BRSK2: variants seen among roughly 807,000 people sequenced by gnomAD.
BRSK2 encodes BR serine/threonine kinase 2.
A neutral mutation model predicts 83.3 loss-of-function variants in BRSK2; 19 were observed. That is an observed-to-expected ratio of 0.23 (90% CI 0.16 to 0.33). BRSK2 has a LOEUF of 0.33. Ranked by LOEUF, BRSK2 falls within the 10% of genes least tolerant of loss-of-function variation. The pLI, the probability that BRSK2 is intolerant of heterozygous loss-of-function variation, is 1.00. For missense variants in BRSK2, 798 were observed against 1,042.3 expected, an observed-to-expected ratio of 0.77 and a Z score of 3.23; for synonymous variants, 519 against 435.4, an observed-to-expected ratio of 1.19 and a Z score of -2.39.
At chr11:1,446,238 G>T (rs1234035285) in intron 12 of BRSK2, among the ~76,000 whole-genome samples, 1 of 137,100 alleles carries the variant, frequency 7.3e-6, no homozygotes, top group Non-Finnish European at 1.5e-5. Context: ...GGCTGTACTG[G>T]ACTGCGCGGC....
At chr11:1,445,083 G>A in intron 9 of BRSK2, 81 bp downstream of exon 9, 8 of 1,563,038 alleles carry the variant, frequency 5.1e-6, no homozygotes, top group South Asian at 1.1e-5. Flanking sequence ...GGCGGGGGGA[G>A]GGCGCCGGCC....
chr11:1,450,667 G>C lies in BRSK2; in HGVS notation c.1368G>C (p.Pro456=). 1 of 1,609,244 alleles carries C rather than the reference G, an allele frequency of 6.2e-7. No individual in the cohort carries two copies. The highest frequency in any genetic ancestry group is 1.1e-5 in the South Asian group (1 of 90,682). Reference sequence around the variant, plus strand: ...CTGTCCACACGCCAAAGGAGAGCCCGGCTGGCACGCCCAACCCCACGCCCC... The same window carrying C: ...CTGTCCACACGCCAAAGGAGAGCCCCGCTGGCACGCCCAACCCCACGCCCC... ...GTPVHTPKES[P]AGTPNPTPPS... The change falls in exon 14 of 20, where the codon CCG becomes CCC. Residue 456 remains proline, a synonymous_variant. Transcript: ENST00000528841.
chr11:1,457,822 C>T (rs11606628), intron 18 of BRSK2, among the ~76,000 whole-genome samples: 29,993 of 144,144 alleles, frequency 0.21, 3,932 homozygotes, highest in Non-Finnish European at 0.3. Context: ...TGTGCTTCAC[C>T]TTGCTGCGGG....
intron 18 of BRSK2, among the ~76,000 whole-genome samples, chr11:1,457,586 C>T (rs1180887982): frequency 1.3e-5 from 2 of 152,182 alleles, no homozygotes; most frequent in Non-Finnish European, 2.9e-5. Flanking sequence ...GTGGGTGTGC[C>T]TCTGAACGCT....
At position 1,445,425 on chromosome 11, in the gene BRSK2, G is replaced by A. The variant is rs753586550; in HGVS notation, c.944G>A (p.Arg315His). Reference sequence around the variant, plus strand: ...CACTCACTGGGCTGCTTCCGAGACCGCAACAAGCTGCTGCAGGACCTGCTG... The same window carrying A: ...CACTCACTGGGCTGCTTCCGAGACCACAACAAGCTGCTGCAGGACCTGCTG... ...SMHSLGCFRDRNKLLQDLLSE... is the reference protein window; with the variant it reads ...SMHSLGCFRDHNKLLQDLLSE... The change falls in exon 10 of 20, where the codon CGC (arginine) becomes CAC (histidine). Residue 315 changes from arginine (R) to histidine (H), a missense_variant. By Grantham distance (29) the Arg-to-His change is conservative (BLOSUM62 0). Around this residue, in one of 6 missense-constraint regions of BRSK2, gnomAD observed 145 missense variants for 225.4 expected, o/e 0.64. Transcript: ENST00000528841. 7 of 1,611,768 alleles carry A rather than the reference G, an allele frequency of 4.3e-6. No homozygotes were observed. The highest frequency in any genetic ancestry group is 2.2e-5 in the South Asian group (2 of 90,962).
At chr11:1,456,295 G>A in intron 16 of BRSK2, 53 bp from the exon 17 acceptor site, 1 of 1,489,080 alleles carries the variant, frequency 6.7e-7, no homozygotes. Flanking sequence ...TCCCCAGAGG[G>A]CCAGGGTGGG....
chr11:1,455,700 C>T (rs1846432544), intron 16 of BRSK2, among the ~76,000 whole-genome samples: 1 of 152,078 alleles, frequency 6.6e-6, no homozygotes, highest in East Asian at 1.9e-4. Flanking sequence ...TCCCTCACCA[C>T]ATCCCTTCAT....
rs377674937 is a variant in BRSK2, at chr11:1,437,210, G to C, written c.186+1076G>C. ...GACTAAAGGAGGGCCTGGGGATGCG[G>C]GAAAGGGGAGGTGTCCCTGTCACCT... On this transcript the variant is annotated intron_variant, in intron 2 of 19. Transcript: ENST00000528841. Among the ~76,000 whole-genome samples, 12 of 152,268 alleles carry C rather than the reference G, an allele frequency of 7.9e-5. No homozygotes were observed. The East Asian group carries it at 1.5e-3, about 20-fold the overall frequency.
chr11:1,433,441 T>C lies in BRSK2; in HGVS notation c.92-2599T>C, dbSNP rs1042339513. ...ATTTCCTCCCTCCTTTGAGAGCCTC[T>C]GTCTTGGCCTCCGGCTGCATCCTCC... is the stretch of plus-strand genomic sequence containing the variant. On this transcript the variant is annotated intron_variant, in intron 1 of 19. Coordinates refer to ENST00000528841, the MANE Select transcript of BRSK2 (RefSeq NM_001256627.2). Among the ~76,000 whole-genome samples, 11 of 152,366 alleles carry C rather than the reference T, an allele frequency of 7.2e-5. No homozygotes were observed. In the East Asian group the frequency reaches 2.1e-3, roughly 29 times the overall value.
chr11:1,454,541 T>G lies in BRSK2; in HGVS notation c.1601T>G (p.Ile534Ser). Residue 534 changes from isoleucine (I) to serine (S), a missense_variant, in exon 16 of 20, where the codon ATC becomes AGC. Ile to Ser is a moderately radical substitution (Grantham distance 142). This residue lies in a region of BRSK2 where 455 missense variants were observed against 455.2 expected (regional missense o/e 1.00). Coordinates refer to ENST00000528841, the MANE Select transcript of BRSK2 (RefSeq NM_001256627.2). The surrounding 1 kb of genome is among the most constrained non-coding windows in gnomAD (Gnocchi z 5.2). Reference sequence around the variant, plus strand: ...ATCAGCCTGGAGAAGGAGGAGCAGATCTTCGTGGTCATCAAAGACAAACCT... The same window carrying G: ...ATCAGCCTGGAGAAGGAGGAGCAGAGCTTCGTGGTCATCAAAGACAAACCT... ...NFISLEKEEQ[I>S]FVVIKDKPLS... 1 of 1,613,206 alleles carries G rather than the reference T, an allele frequency of 6.2e-7. No homozygotes were observed. The highest frequency in any genetic ancestry group is 8.5e-7 in the Non-Finnish European group (1 of 1,179,906).
chr11:1,429,313 G>T (rs1180493394), intron 1 of BRSK2, among the ~76,000 whole-genome samples: 2 of 110,622 alleles, frequency 1.8e-5, no homozygotes, highest in African/African-American at 9.9e-5. Flanking sequence ...CTGGGTGTGT[G>T]TGCGTGTGCG....
At chr11:1,419,691 C>T (rs533461337) in intron 1 of BRSK2, among the ~76,000 whole-genome samples, 1 of 152,326 alleles carries the variant, frequency 6.6e-6, no homozygotes, top group East Asian at 1.9e-4. Context: ...CGGGGCCTCA[C>T]TTGAGGTCTG....
intron 1 of BRSK2, among the ~76,000 whole-genome samples, chr11:1,406,068 C>T (rs1456289418): frequency 6.6e-6 from 1 of 152,164 alleles, no homozygotes; most frequent in Non-Finnish European, 1.5e-5. Flanking sequence ...GTTGCCCGCT[C>T]CCCTGCCGAG....
At chr11:1,449,950 C>A in intron 13 of BRSK2, 114 bp downstream of exon 13, 1 of 692,214 alleles carries the variant, frequency 1.4e-6, no homozygotes, top group Non-Finnish European at 2.5e-6. Context: ...GCCCCAGGCG[C>A]CCCCCATGCC....
rs761843404 is a variant in BRSK2 at position 1,450,763 on chromosome 11, C to T, written c.1464C>T (p.Gly488=). Reference sequence around the variant, plus strand: ...ACTCCATCAAGAACAGCTTTCTGGGCTCACCCCGCTTCCACCGCCGGAAAC... The same window carrying T: ...ACTCCATCAAGAACAGCTTTCTGGGTTCACCCCGCTTCCACCGCCGGAAAC... ...RLNSIKNSFL[G]SPRFHRRKLQ... is the part of the protein sequence containing the mutation. Residue 488 remains glycine (G), a synonymous_variant, in exon 14 of 20, where the codon GGC becomes GGT. Coordinates refer to ENST00000528841, the MANE Select transcript of BRSK2 (RefSeq NM_001256627.2). 6.3e-7 allele frequency: 1 copy of T among 1,596,116 alleles called. No homozygotes were observed. The highest frequency in any genetic ancestry group is 1.1e-5 in the South Asian group (1 of 88,932).
At position 1,450,769 on chromosome 11, in the gene BRSK2, C is replaced by T; in HGVS notation, c.1470C>T (p.Pro490=). The T allele has an allele frequency of 6.3e-7, 1 of 1,595,414 alleles. No individual in the cohort carries two copies. Among genetic ancestry groups the T allele is most frequent in the South Asian group, 1.1e-5 (1 of 88,942 alleles). The change falls in exon 14 of 20, where the codon CCC becomes CCT. Residue 490 remains proline (P), a synonymous_variant. Transcript: ENST00000528841. Reference sequence around the variant, plus strand: ...TCAAGAACAGCTTTCTGGGCTCACCCCGCTTCCACCGCCGGAAACTGCAAG... The same window carrying T: ...TCAAGAACAGCTTTCTGGGCTCACCTCGCTTCCACCGCCGGAAACTGCAAG... ...NSIKNSFLGS[P]RFHRRKLQVP...
In BRSK2 at chr11:1,438,609, GT is replaced by G. The variant is rs1850669116; in HGVS notation, c.272+219del. Among the ~76,000 whole-genome samples the G allele has an allele frequency of 6.6e-6, 1 of 152,176 alleles. No individual in the cohort carries two copies. Among genetic ancestry groups the G allele is most frequent in the East Asian group, 1.9e-4 (1 of 5,164 alleles). On this transcript the variant is annotated intron_variant, in intron 3 of 19. Transcript: ENST00000528841. The surrounding 1 kb of genome is among the most constrained non-coding windows in gnomAD (Gnocchi z 6.4). ...CTGGACCAAACCGGAGACCTGGTCT[GT>G]GGAGGCTCGCAGAGCCACCAGCCTG...
chr11:1,451,524 T>G (rs374703330), intron 15 of BRSK2, 105 bp downstream of exon 15: 23 of 1,202,176 alleles, frequency 1.9e-5, no homozygotes, highest in Non-Finnish European at 1.8e-5. Flanking sequence ...CTTCTCCACG[T>G]GGCCCCACCT....
At chr11:1,452,962 G>A (rs887926591) in intron 15 of BRSK2, among the ~76,000 whole-genome samples, 2 of 152,238 alleles carry the variant, frequency 1.3e-5, no homozygotes, top group African/African-American at 4.8e-5. Context: ...CTGGCTTCAG[G>A]AAGGGATGCA....
Sources: allele counts gnomAD v4.1 joint callset (sites outside exome capture counted in the v4.1 genomes callset), GRCh38; gene constraint gnomAD v4.1.1; regional missense constraint gnomAD v4.1.1; non-coding constraint Gnocchi (gnomAD v3.1); transcripts MANE v1.5; gene names NCBI Gene and HGNC (gene_info 2026-07-23, HGNC 2026-07-21).